RBFOX1: variants seen among roughly 807,000 people sequenced by gnomAD.
The protein encoded by RBFOX1 is RNA binding protein fox-1 homolog 1.
Under a neutral mutation model 57.7 loss-of-function variants are expected in RBFOX1, and 8 were observed. The ratio of observed to expected loss-of-function variants is 0.14; its 90% CI spans 0.08 to 0.25. The LOEUF (loss-of-function observed/expected upper bound fraction) is 0.25. Ranked by LOEUF, RBFOX1 falls within the 10% of genes least tolerant of loss-of-function variation. The probability of loss-of-function intolerance (pLI) is 1.00; values close to 1 mark genes in which losing one functional copy is unlikely to be tolerated. For missense variants in RBFOX1, 611 were observed against 548.5 expected, an observed-to-expected ratio of 1.11 and a Z score of -1.14; for synonymous variants, 326 against 222.4, an observed-to-expected ratio of 1.47 and a Z score of -4.15.
intron 4 of RBFOX1, among the ~76,000 whole-genome samples, chr16:7,071,654 C>T (rs1315550124): frequency 1.3e-5 from 2 of 150,822 alleles, no homozygotes; most frequent in Non-Finnish European, 2.9e-5. Flanking sequence ...TTTATACATA[C>T]ATACATACAT....
chr16:7,403,727 G>C (rs1350927700), intron 4 of RBFOX1, among the ~76,000 whole-genome samples: 8 of 151,946 alleles, frequency 5.3e-5, no homozygotes, highest in African/African-American at 1.9e-4. Flanking sequence ...TGTATTTTTA[G>C]TAGAGACAGG....
At chr16:7,693,258 C>T in intron 14 of RBFOX1, 2 of 1,485,462 alleles carry the variant, frequency 1.3e-6, no homozygotes, top group Non-Finnish European at 1.9e-6. Flanking sequence ...AAGCAATTGG[C>T]AGAGAGCACA....
At chr16:5,249,869 G>T (rs1259541851) in intron 1 of RBFOX1, among the ~76,000 whole-genome samples, 3 of 152,166 alleles carry the variant, frequency 2.0e-5, no homozygotes, top group Non-Finnish European at 2.9e-5. Context: ...TGAGGCAAGA[G>T]AATCGCTTGA....
intron 3 of RBFOX1, among the ~76,000 whole-genome samples, chr16:6,677,307 C>A (rs1603357353): frequency 6.6e-6 from 1 of 152,108 alleles, no homozygotes; most frequent in Non-Finnish European, 1.5e-5. Flanking sequence ...ATCTGTCATT[C>A]CTTAAGGCCC....
rs1268480168 is a variant in RBFOX1 at position 5,984,873 on chromosome 16, A to C, written c.351+117538A>C. ...CACAGTGGTCACATTTGTGAATCAA[A>C]ACACACCTAAACATAGAAAAGGTAC... On this transcript the variant is annotated intron_variant, in intron 4 of 19. Transcript: ENST00000641259. Among the ~76,000 whole-genome samples the C allele has an allele frequency of 2.0e-5, 3 of 150,744 alleles. No individual in the cohort carries two copies. In the East Asian group the frequency reaches 5.8e-4, roughly 29 times the overall value.
intron 2 of RBFOX1, among the ~76,000 whole-genome samples, chr16:6,452,430 C>G (rs1381254351): frequency 6.6e-6 from 1 of 151,996 alleles, no homozygotes; most frequent in Non-Finnish European, 1.5e-5. Flanking sequence ...TCTCTTCCTG[C>G]CATGACTCCA....
intron 2 of RBFOX1, among the ~76,000 whole-genome samples, chr16:6,621,098 C>G (rs1054011770): frequency 6.6e-6 from 1 of 152,152 alleles, no homozygotes; most frequent in East Asian, 1.9e-4. Context: ...CAATCTCTGC[C>G]TCTGTTGTCA....
chr16:6,364,384 C>G (rs1199088606), intron 2 of RBFOX1, among the ~76,000 whole-genome samples: 1 of 152,160 alleles, frequency 6.6e-6, no homozygotes, highest in African/African-American at 2.4e-5. Flanking sequence ...CATCTTCCCT[C>G]CAACATTAAA....
chr16:6,886,741 T>C (rs1324746939), intron 3 of RBFOX1, among the ~76,000 whole-genome samples: 4 of 137,932 alleles, frequency 2.9e-5, no homozygotes, highest in East Asian at 2.3e-4. Flanking sequence ...GGCAAGCAAG[T>C]GAGACTCTAT....
chr16:6,799,129 G>C (rs1456114593), intron 3 of RBFOX1, among the ~76,000 whole-genome samples: 1 of 152,016 alleles, frequency 6.6e-6, no homozygotes, highest in South Asian at 2.1e-4. Flanking sequence ...TCCCAGAACT[G>C]GGGCTCAGCT....
chr16:6,762,728 T>C (rs1045326863), intron 3 of RBFOX1, among the ~76,000 whole-genome samples: 4 of 152,018 alleles, frequency 2.6e-5, no homozygotes, highest in African/African-American at 4.8e-5. Context: ...GTTCTAGAGA[T>C]AGAAAAATAG....
At chr16:7,011,697 T>C (rs1229199444) in intron 3 of RBFOX1, among the ~76,000 whole-genome samples, 1 of 152,126 alleles carries the variant, frequency 6.6e-6, no homozygotes, top group Non-Finnish European at 1.5e-5. Flanking sequence ...GTATTTTTAG[T>C]AGAGATGGGA....
intron 5 of RBFOX1, among the ~76,000 whole-genome samples, chr16:7,541,133 T>C (rs571367336): frequency 5.3e-5 from 8 of 152,372 alleles, no homozygotes; most frequent in African/African-American, 1.9e-4. Flanking sequence ...GACTGCTGTA[T>C]GTACCTTGAG....
chr16:5,600,272 G>C (rs1030925872), downstream of RBFOX1: 2 of 151,494 alleles, frequency 1.3e-5, no homozygotes, highest in African/African-American at 4.9e-5. Flanking sequence ...CTGCACCCCA[G>C]CCTGGACGAG....
Position 7,187,456 on chromosome 16 carries a change from A to G in RBFOX1, c.27+135358A>G, listed in dbSNP as rs191780482. ...TGTAATCCCAGCACTTTGAGAGGCCAAGGCGGGCTAATCACGAGATCAGGA... is the reference window on the plus strand; with the variant it reads ...TGTAATCCCAGCACTTTGAGAGGCCGAGGCGGGCTAATCACGAGATCAGGA... On this transcript the variant is annotated intron_variant, in intron 4 of 15. Coordinates refer to ENST00000550418, the MANE Select transcript of RBFOX1 (RefSeq NM_018723.4). Among the ~76,000 whole-genome samples, 976 of 151,570 alleles carry G rather than the reference A, an allele frequency of 6.4e-3. 12 individuals are homozygous for G. Among genetic ancestry groups the G allele is most frequent in the African/African-American group, 0.022 (917 of 41,348 alleles).
intron 3 of RBFOX1, among the ~76,000 whole-genome samples, chr16:5,678,218 G>C (rs960574616): frequency 5.9e-5 from 9 of 152,168 alleles, no homozygotes; most frequent in African/African-American, 1.9e-4. Context: ...TGCAGGGAGA[G>C]TTTAGAAATT....
At chr16:5,938,808 A>T (rs1041870484) in intron 4 of RBFOX1, among the ~76,000 whole-genome samples, 2 of 152,210 alleles carry the variant, frequency 1.3e-5, no homozygotes, top group Non-Finnish European at 2.9e-5. Flanking sequence ...CTGAAAACAG[A>T]TGAACCACTC....
chr16:5,820,750 C>T (rs945380120), intron 3 of RBFOX1, among the ~76,000 whole-genome samples: 6 of 152,164 alleles, frequency 3.9e-5, no homozygotes, highest in African/African-American at 1.4e-4. Flanking sequence ...CGTCTGTCTC[C>T]TGTGCTCTCC....
In RBFOX1 at chr16:6,223,250, G is replaced by T. The variant is rs567240834; in HGVS notation, c.-126-93745G>T. Among the ~76,000 whole-genome samples the T allele has an allele frequency of 1.4e-3, 209 of 151,278 alleles. 1 individual carries two copies. The highest frequency in any genetic ancestry group is 3.4e-3 in the Middle Eastern group (1 of 294). ...ATGGCTGGGTCAAATGGTATTTCTG[G>T]TTCTAGATCCCTGAGGAATCGCCAC... On this transcript the variant is annotated intron_variant, in intron 1 of 15. Transcript: ENST00000550418.
Sources: gnomAD v4.1 joint callset for allele counts (sites outside exome capture counted in the v4.1 genomes callset) on GRCh38, gnomAD v4.1.1 for gene constraint, MANE v1.5 for transcripts, NCBI Gene and HGNC (gene_info 2026-07-23, HGNC 2026-07-21) for gene names.